CLOCK: variants seen among roughly 807,000 people sequenced by gnomAD.
The protein encoded by CLOCK is circadian locomoter output cycles protein kaput.
A neutral mutation model predicts 118.4 loss-of-function variants in CLOCK; 43 were observed. That is an observed-to-expected ratio of 0.36 (90% CI 0.28 to 0.47). The LOEUF (loss-of-function observed/expected upper bound fraction) is 0.47. CLOCK is among the 20% of genes least tolerant of loss of function. The pLI is 1.00. For synonymous variants in CLOCK, 326 were observed against 339.2 expected (o/e 0.96, Z 0.43); for missense variants, 846 against 999.9 (o/e 0.85, Z 2.08).
chr4:55,459,382 G>T, intron 9 of CLOCK, 121 bp from the exon 10 acceptor site: 1 of 694,408 alleles, frequency 1.4e-6, no homozygotes, highest in Admixed American at 2.2e-5. Flanking sequence ...CCCAACAGAA[G>T]TCGTCAATGA....
chr4:55,438,455 G>A lies in CLOCK; in HGVS notation c.2188C>T (p.Leu730Phe), dbSNP rs1378952637. ...CGAVMVPSTM[L>F]MGQVVTAYPT... Reference sequence around the variant, plus strand: ...TATGCAGTCACCACCTGGCCCATAAGCATAGTACTAGGTACCATGACTGCC... The same window carrying A: ...TATGCAGTCACCACCTGGCCCATAAACATAGTACTAGGTACCATGACTGCC... The change falls in exon 22 of 23, where the codon CTT becomes TTT. Residue 730 changes from leucine (L) to phenylalanine (F), a missense_variant. Physicochemically the swap from Leu to Phe is conservative, Grantham distance 22. Around this residue, in one of 4 missense-constraint regions of CLOCK, gnomAD observed 520 missense variants for 558.0 expected, o/e 0.93. Coordinates refer to ENST00000513440, the MANE Select transcript of CLOCK (RefSeq NM_004898.4). 6.2e-7 allele frequency: 1 copy of A among 1,613,872 alleles called. No individual in the cohort carries two copies. Among genetic ancestry groups the A allele is most frequent in the South Asian group, 1.1e-5 (1 of 91,070 alleles).
rs144401774 is a variant in CLOCK, at chr4:55,439,517, A to T, written c.2106-980T>A. 1.5e-3 allele frequency among the ~76,000 whole-genome samples: 229 copies of T among 152,138 alleles called. 1 individual carries two copies. The highest frequency in any genetic ancestry group is 4.8e-3 in the African/African-American group (201 of 41,514). Reference sequence around the variant, plus strand: ...AAGGAATTCCACTTCTGCTTATATAACCCCCCAAAATGAAAGCAGGGACTC... The same window carrying T: ...AAGGAATTCCACTTCTGCTTATATATCCCCCCAAAATGAAAGCAGGGACTC... On this transcript the variant is annotated intron_variant, in intron 21 of 22. Coordinates refer to ENST00000513440, the MANE Select transcript of CLOCK (RefSeq NM_004898.4).
At chr4:55,542,368 TAATAATAATAA>T (rs1560489951) in intron 1 of CLOCK, among the ~76,000 whole-genome samples, 1,508 of 57,956 alleles carry the variant, frequency 0.026, 13 homozygotes, top group Middle Eastern at 0.11. Context: ...ATAATAATAA[TAATAATAATAA>T]TATTATTATT....
At chr4:55,446,644 TTC>T (rs1723874864) in intron 18 of CLOCK, among the ~76,000 whole-genome samples, 1 of 152,252 alleles carries the variant, frequency 6.6e-6, no homozygotes, top group South Asian at 2.1e-4. Flanking sequence ...TCAATCTTAT[TTC>T]TCTGTTTTAC....
intron 18 of CLOCK, among the ~76,000 whole-genome samples, chr4:55,446,101 C>CTTCTT (rs1553890777): frequency 9.3e-6 from 1 of 107,372 alleles, no homozygotes; most frequent in African/African-American, 3.5e-5. Context: ...AATTTAACTT[C>CTTCTT]TTTTTTTTTT....
At position 55,433,718 on chromosome 4, in the gene CLOCK, A is replaced by C. The variant is rs111487748; in HGVS notation, c.*1697T>G. On this transcript the variant is annotated 3_prime_UTR_variant, in exon 23 of 23. Coordinates refer to ENST00000513440, the MANE Select transcript of CLOCK (RefSeq NM_004898.4). The stretch of plus-strand genomic sequence containing the variant: ...TTCTATCACTGTAAATTTCATTAGT[A>C]CCATAAAATCTGTAAAATGTTTTTT... 3 of 152,328 alleles carry C rather than the reference A, an allele frequency of 2.0e-5. No individual in the cohort carries two copies. Among genetic ancestry groups the C allele is most frequent in the African/African-American group, 7.2e-5 (3 of 41,586 alleles). 9.4% of individuals were successfully genotyped at this position (152,328 alleles called of 1,614,324 possible).
Position 55,435,579 on chromosome 4 carries a change from G to A in CLOCK, c.2377C>T (p.His793Tyr). Residue 793 changes from histidine (H) to tyrosine (Y), a missense_variant, in exon 23 of 23, where the codon CAT becomes TAT. By Grantham distance (83) the His-to-Tyr change is moderately conservative. Coordinates refer to ENST00000513440, the MANE Select transcript of CLOCK (RefSeq NM_004898.4). Reference protein sequence around the residue: ...QQFLQTSRLLHGNPSTQLILS... With the variant: ...QQFLQTSRLLYGNPSTQLILS... ...ATGAGTTGAGTTGAGGGATTCCCAT[G>A]GAGCAACCTAGAAGTCTAAAAAACA... The A allele has an allele frequency of 6.2e-7, 1 of 1,613,872 alleles. No homozygotes were observed. The highest frequency in any genetic ancestry group is 8.5e-7 in the Non-Finnish European group (1 of 1,179,846).
Position 55,542,482 on chromosome 4 carries a change from T to C in CLOCK, c.-290+4300A>G, listed in dbSNP as rs150208884. 3.9e-4 allele frequency among the ~76,000 whole-genome samples: 59 copies of C among 150,772 alleles called. No individual in the cohort carries two copies. In the East Asian group the frequency reaches 9.3e-3, roughly 24 times the overall value. ...ATTATACTGCATCTTTCTAGGTATC[T>C]CCCATAGTAAATAGTCTTGATCAAT... On this transcript the variant is annotated intron_variant, in intron 1 of 22. Transcript: ENST00000513440.
At chr4:55,530,289 A>C (rs1005078905) in intron 1 of CLOCK, among the ~76,000 whole-genome samples, 5 of 152,150 alleles carry the variant, frequency 3.3e-5, no homozygotes, top group Admixed American at 2.0e-4. Context: ...ATAGCATCAG[A>C]CATCTTACCG....
chr4:55,431,073 A>C lies in CLOCK; in HGVS notation c.*4342T>G, dbSNP rs1280359555. Reference sequence around the variant, plus strand: ...CTTTAGAAATGGTTAACGCCTAAGAATAAACTTTATCAAAATGAGTAATTG... The same window carrying C: ...CTTTAGAAATGGTTAACGCCTAAGACTAAACTTTATCAAAATGAGTAATTG... On this transcript the variant is annotated 3_prime_UTR_variant, in exon 23 of 23. Coordinates refer to ENST00000513440, the MANE Select transcript of CLOCK (RefSeq NM_004898.4). The C allele has an allele frequency of 6.6e-6, 1 of 152,238 alleles. No homozygotes were observed. The highest frequency in any genetic ancestry group is 1.5e-5 in the Non-Finnish European group (1 of 68,028). 9.4% of individuals were successfully genotyped at this position (152,238 alleles called of 1,614,324 possible). A position where few individuals can be genotyped will look rare whatever the true frequency, so the allele number is the denominator to read the frequency against.
chr4:55,493,303 A>C (rs1225028795), intron 2 of CLOCK, among the ~76,000 whole-genome samples: 1 of 152,184 alleles, frequency 6.6e-6, no homozygotes, highest in Non-Finnish European at 1.5e-5. Context: ...TTAAAACTAC[A>C]GTTTTTCCCT....
intron 11 of CLOCK, among the ~76,000 whole-genome samples, chr4:55,457,153 T>A (rs1263579565): frequency 2.0e-5 from 3 of 152,210 alleles, no homozygotes; most frequent in African/African-American, 7.2e-5. Flanking sequence ...AGTTCCATAT[T>A]TCCAAATATC....
In CLOCK at chr4:55,431,595, C is replaced by G. The variant is rs6828570; in HGVS notation, c.*3820G>C. 51,394 of 152,110 alleles carry G rather than the reference C, an allele frequency of 0.34. 9,391 individuals are homozygous for G. The highest frequency in any genetic ancestry group is 0.58 in the East Asian group (3,017 of 5,164). 9.4% of individuals were successfully genotyped at this position (152,110 alleles called of 1,614,324 possible). ...CAACATTAATATCCAGTGTTTACCC[C>G]CTTCCAACAGGGACTCCTGTGGGAC... On this transcript the variant is annotated 3_prime_UTR_variant, in exon 23 of 23. Transcript: ENST00000513440.
At chr4:55,474,319 T>C (rs901316297) in intron 7 of CLOCK, among the ~76,000 whole-genome samples, 2 of 151,680 alleles carry the variant, frequency 1.3e-5, no homozygotes, top group Non-Finnish European at 2.9e-5. Flanking sequence ...GCAGAGAGAG[T>C]TAAGGAAACT....
At chr4:55,449,825 A>G (rs1256685003) in intron 16 of CLOCK, among the ~76,000 whole-genome samples, 1 of 152,182 alleles carries the variant, frequency 6.6e-6, no homozygotes, top group Non-Finnish European at 1.5e-5. Flanking sequence ...AAAAAACACA[A>G]TAAATAGTTG....
chr4:55,443,634 T>G lies in CLOCK; in HGVS notation c.1902+53A>C, dbSNP rs558239887. On this transcript the variant is annotated intron_variant, in intron 20 of 22. Transcript: ENST00000513440. ...AGCTTTATTTCTGCTTCAGCAATAG[T>G]GTGCCTTCCAACCACTGATCACTCC... The G allele has an allele frequency of 2.0e-5, 27 of 1,336,922 alleles. No individual in the cohort carries two copies. In the African/African-American group the frequency reaches 2.3e-4, roughly 11 times the overall value. 82.8% of individuals were successfully genotyped at this position (1,336,922 alleles called of 1,614,324 possible).
At chr4:55,525,060 A>G (rs1730089683) in intron 1 of CLOCK, among the ~76,000 whole-genome samples, 1 of 152,206 alleles carries the variant, frequency 6.6e-6, no homozygotes, top group Non-Finnish European at 1.5e-5. Context: ...GTAATTTGTT[A>G]TGAATGAAAT....
chr4:55,535,503 T>C (rs1432136038), intron 1 of CLOCK, among the ~76,000 whole-genome samples: 4 of 151,826 alleles, frequency 2.6e-5, no homozygotes, highest in Non-Finnish European at 5.9e-5. Context: ...GCCCAGGAGT[T>C]CAAGACAAGC....
At chr4:55,514,509 C>T (rs1414499540) in intron 1 of CLOCK, among the ~76,000 whole-genome samples, 2 of 151,452 alleles carry the variant, frequency 1.3e-5, no homozygotes, top group East Asian at 3.9e-4. Flanking sequence ...ATCCCCCCCC[C>T]ACTTTGCTGA....
Sources: allele counts gnomAD v4.1 joint callset (sites outside exome capture counted in the v4.1 genomes callset), GRCh38; gene constraint gnomAD v4.1.1; regional missense constraint gnomAD v4.1.1; transcripts MANE v1.5; gene names NCBI Gene and HGNC (gene_info 2026-07-23, HGNC 2026-07-21).